OSBPL5: variants seen among roughly 807,000 people sequenced by gnomAD.
OSBPL5 encodes the protein oxysterol-binding protein-related protein 5.
Under a neutral mutation model 111.2 loss-of-function variants are expected in OSBPL5, and 71 were observed. The observed-to-expected ratio is 0.64, with a 90% confidence interval of 0.53 to 0.78. The LOEUF is 0.78. Among genes scored for constraint, OSBPL5 ranks in the 30% least tolerant of loss-of-function variants. The pLI, the probability that OSBPL5 is intolerant of heterozygous loss-of-function variation, is 0.00. For synonymous variants in OSBPL5, 549 were observed against 513.9 expected (o/e 1.07, Z -0.93); for missense variants, 1,210 against 1,189.3 (o/e 1.02, Z -0.26).
intron 1 of OSBPL5, among the ~76,000 whole-genome samples, chr11:3,139,655 C>T (rs1051437307): frequency 6.6e-6 from 1 of 152,044 alleles, no homozygotes; most frequent in Non-Finnish European, 1.5e-5. Context: ...GGCCTTGCTG[C>T]CTTGCTCTAT....
intron 1 of OSBPL5, among the ~76,000 whole-genome samples, chr11:3,134,774 T>G (rs1414094977): frequency 7.1e-6 from 1 of 140,300 alleles, no homozygotes; most frequent in African/African-American, 2.7e-5. Context: ...TGAGTGGGTC[T>G]CCTCAGAGGT....
intron 1 of OSBPL5, among the ~76,000 whole-genome samples, chr11:3,129,658 T>C (rs997459156): frequency 6.6e-6 from 1 of 152,212 alleles, no homozygotes; most frequent in African/African-American, 2.4e-5. Context: ...TGTTGGGCAG[T>C]CCGGGAGCCT....
rs549618559 is a variant in OSBPL5 at position 3,131,006 on chromosome 11, C to T, written c.-21-1837G>A. Among the ~76,000 whole-genome samples, 6 of 152,228 alleles carry T rather than the reference C, an allele frequency of 3.9e-5. No individual in the cohort carries two copies. The South Asian group carries it at 6.2e-4, about 16-fold the overall frequency. On this transcript the variant is annotated intron_variant, in intron 1 of 21. Transcript: ENST00000263650. Reference sequence around the variant, plus strand: ...TGCTCTCAGGACCCACAGAGAGCCCCGGAATGTCCCAGGCAGTGTGGTGAC... The same window carrying T: ...TGCTCTCAGGACCCACAGAGAGCCCTGGAATGTCCCAGGCAGTGTGGTGAC...
At position 3,106,030 on chromosome 11, in the gene OSBPL5, G is replaced by A. The variant is rs55927000; in HGVS notation, c.1059+1233C>T. Among the ~76,000 whole-genome samples, 16,807 of 151,864 alleles carry A rather than the reference G, an allele frequency of 0.11. 1,004 individuals are homozygous for A. Among genetic ancestry groups the A allele is most frequent in the Non-Finnish European group, 0.13 (9,078 of 67,910 alleles). ...CTGTCCCGAGGCCCTTGCCTAACCC[G>A]CCGGTGGCTTCCCCAATACTCTCAG... On this transcript the variant is annotated intron_variant, in intron 9 of 21. Transcript: ENST00000263650. The surrounding 1 kb of genome is among the most constrained non-coding windows in gnomAD (Gnocchi z 8.4).
rs1327878985 is a variant in OSBPL5 at position 3,142,505 on chromosome 11, C to T, written c.-21-13336G>A. Among the ~76,000 whole-genome samples the T allele has an allele frequency of 6.6e-6, 1 of 152,212 alleles. No individual in the cohort carries two copies. Among genetic ancestry groups the T allele is most frequent in the Non-Finnish European group, 1.5e-5 (1 of 68,044 alleles). On this transcript the variant is annotated intron_variant, in intron 1 of 21. Transcript: ENST00000263650. The surrounding 1 kb of genome is among the most constrained non-coding windows in gnomAD (Gnocchi z 7.1). ...GTGTCCCAGGAGGTCAGATTTCACC[C>T]GGATGCTTAGCTCCCCTCCCTTTTT...
At chr11:3,094,197 T>C in intron 15 of OSBPL5, 40 bp downstream of exon 15, 1 of 1,590,246 alleles carries the variant, frequency 6.3e-7, no homozygotes, top group Non-Finnish European at 8.6e-7. Context: ...GCTTCGTTCC[T>C]TCCCTGGCCT....
rs11025392 is a variant in OSBPL5 at position 3,105,033 on chromosome 11, A to T, written c.1060-656T>A. On this transcript the variant is annotated intron_variant, in intron 9 of 21. Transcript: ENST00000263650. The surrounding 1 kb of genome is among the most constrained non-coding windows in gnomAD (Gnocchi z 5.2). ...TCCTTTTCTGAGACATCTAACCCTCACCACAGCTCCAGAATACATGACTTG... is the reference window on the plus strand; with the variant it reads ...TCCTTTTCTGAGACATCTAACCCTCTCCACAGCTCCAGAATACATGACTTG... 0.12 allele frequency among the ~76,000 whole-genome samples: 17,870 copies of T among 151,908 alleles called. 1,204 individuals are homozygous for T. Among genetic ancestry groups the T allele is most frequent in the South Asian group, 0.28 (1,323 of 4,806 alleles).
In OSBPL5 at chr11:3,162,774, A is replaced by G. The variant is rs1847004353; in HGVS notation, c.-22+2442T>C. Among the ~76,000 whole-genome samples the G allele has an allele frequency of 6.6e-6, 1 of 151,936 alleles. No individual in the cohort carries two copies. The highest frequency in any genetic ancestry group is 2.4e-5 in the African/African-American group (1 of 41,362). Reference sequence around the variant, plus strand: ...CAAGCTGCAGGCTCGGTAAGTCATCAAGCAAAGCTGGCATCGAGAACAATA... The same window carrying G: ...CAAGCTGCAGGCTCGGTAAGTCATCGAGCAAAGCTGGCATCGAGAACAATA... On this transcript the variant is annotated intron_variant, in intron 1 of 21. Coordinates refer to ENST00000263650, the MANE Select transcript of OSBPL5 (RefSeq NM_020896.4). The surrounding 1 kb of genome is among the most constrained non-coding windows in gnomAD (Gnocchi z 8.1).
At position 3,162,143 on chromosome 11, in the gene OSBPL5, T is replaced by C. The variant is rs529758805; in HGVS notation, c.-22+3073A>G. On this transcript the variant is annotated intron_variant, in intron 1 of 21. Transcript: ENST00000263650. This position sits in a 1 kb window ranked among gnomAD's most constrained non-coding sequence, Gnocchi z 8.1. ...AAGTGGTTTATCTTTTTAAACACCA[T>C]GCTGGCTGCTGGCTGGAGAAGGGCT... is the stretch of plus-strand genomic sequence containing the variant. Among the ~76,000 whole-genome samples, 2 of 152,230 alleles carry C rather than the reference T, an allele frequency of 1.3e-5. No homozygotes were observed. The highest frequency in any genetic ancestry group is 1.9e-4 in the East Asian group (1 of 5,174).
intron 21 of OSBPL5, among the ~76,000 whole-genome samples, chr11:3,088,988 C>T (rs1041690284): frequency 2.6e-5 from 4 of 152,282 alleles, no homozygotes; most frequent in East Asian, 3.9e-4. Flanking sequence ...AGTACTTTGC[C>T]GTGGAGGACC....
At chr11:3,099,911 A>G (rs896631623) in intron 14 of OSBPL5, among the ~76,000 whole-genome samples, 2 of 151,944 alleles carry the variant, frequency 1.3e-5, no homozygotes, top group Admixed American at 6.6e-5. Context: ...TCTACTAAAA[A>G]TACAAAATTA....
intron 7 of OSBPL5, among the ~76,000 whole-genome samples, chr11:3,111,681 C>T (rs1344890610): frequency 6.6e-6 from 1 of 152,090 alleles, no homozygotes; most frequent in East Asian, 1.9e-4. Flanking sequence ...CCCTCCCCAC[C>T]CCCACACACA....
At position 3,107,468 on chromosome 11, in the gene OSBPL5, T is replaced by G; in HGVS notation, c.867-13A>C. 1 of 1,613,472 alleles carries G rather than the reference T, an allele frequency of 6.2e-7. No homozygotes were observed. The highest frequency in any genetic ancestry group is 1.1e-5 in the South Asian group (1 of 91,068). Reference sequence around the variant, plus strand: ...AGACCCGTTCAGTCTGGAAGGTGGATGGTGCCAGTGGGTCCCTGTCACAGG... The same window carrying G: ...AGACCCGTTCAGTCTGGAAGGTGGAGGGTGCCAGTGGGTCCCTGTCACAGG... On this transcript the variant is annotated splice_polypyrimidine_tract_variant and intron_variant, in intron 8 of 21. Coordinates refer to ENST00000263650, the MANE Select transcript of OSBPL5 (RefSeq NM_020896.4). The surrounding 1 kb of genome is among the most constrained non-coding windows in gnomAD (Gnocchi z 6.1).
rs752969320 is a variant in OSBPL5, at chr11:3,130,603, G to A, written c.-21-1434C>T. On this transcript the variant is annotated intron_variant, in intron 1 of 21. Coordinates refer to ENST00000263650, the MANE Select transcript of OSBPL5 (RefSeq NM_020896.4). This position sits in a 1 kb window ranked among gnomAD's most constrained non-coding sequence, Gnocchi z 4.5. ...CCAGCCCCTCCCTCACCTGGCCCCT[G>A]GCTCGGCTCATGACCTTGGCCATCT... 7.2e-5 allele frequency among the ~76,000 whole-genome samples: 11 copies of A among 152,158 alleles called. No homozygotes were observed. The highest frequency in any genetic ancestry group is 1.3e-4 in the Non-Finnish European group (9 of 68,020).
intron 1 of OSBPL5, among the ~76,000 whole-genome samples, chr11:3,152,928 G>A (rs1349178825): frequency 2.0e-5 from 3 of 152,096 alleles, no homozygotes. Context: ...GTCCGCTCCC[G>A]GTTTGCTCAC....
rs1857840699 is a variant in OSBPL5 at position 3,109,629 on chromosome 11, T to C, written c.692-1684A>G. On this transcript the variant is annotated intron_variant, in intron 7 of 21. Coordinates refer to ENST00000263650, the MANE Select transcript of OSBPL5 (RefSeq NM_020896.4). The surrounding 1 kb of genome is among the most constrained non-coding windows in gnomAD (Gnocchi z 7.4). ...CTCTAGAGCTGCCCTTCTCATTGGG[T>C]TGGGGGGATATCTGGGATCCTGCTG... 1.3e-5 allele frequency among the ~76,000 whole-genome samples: 2 copies of C among 151,440 alleles called. No homozygotes were observed. Among genetic ancestry groups the C allele is most frequent in the South Asian group, 4.2e-4 (2 of 4,794 alleles).
At position 3,089,830 on chromosome 11, in the gene OSBPL5, C is replaced by G. The variant is rs984179999; in HGVS notation, c.2501+16G>C. Reference sequence around the variant, plus strand: ...TCTGACCCGGAGTCTGGATGGACACCCTGAGTGTGGCCCACCTGTGCAGCT... The same window carrying G: ...TCTGACCCGGAGTCTGGATGGACACGCTGAGTGTGGCCCACCTGTGCAGCT... On this transcript the variant is annotated intron_variant, in intron 21 of 21. Coordinates refer to ENST00000263650, the MANE Select transcript of OSBPL5 (RefSeq NM_020896.4). The G allele has an allele frequency of 6.4e-7, 1 of 1,552,176 alleles. No homozygotes were observed. Among genetic ancestry groups the G allele is most frequent in the African/African-American group, 1.4e-5 (1 of 73,310 alleles).
intron 10 of OSBPL5, among the ~76,000 whole-genome samples, chr11:3,103,819 C>CAGCCCCCTTCCAGCCTGT (rs1564830449): frequency 7.0e-4 from 31 of 44,052 alleles, no homozygotes; most frequent in African/African-American, 1.5e-3. Flanking sequence ...TTCCTGCCTG[C>CAGCCCCCTTCCAGCCTGT]GCAGCCCCCT....
At chr11:3,094,013 T>C (rs1857160313) in intron 15 of OSBPL5, among the ~76,000 whole-genome samples, 178 bp from the exon 16 acceptor site, 1 of 152,128 alleles carries the variant, frequency 6.6e-6, no homozygotes, top group African/African-American at 2.4e-5. Context: ...AAGGATGTAG[T>C]GTCCCTGCCA....
Sources: allele counts gnomAD v4.1 joint callset (sites outside exome capture counted in the v4.1 genomes callset), GRCh38; gene constraint gnomAD v4.1.1; non-coding constraint Gnocchi (gnomAD v3.1); transcripts MANE v1.5; gene names NCBI Gene and HGNC (gene_info 2026-07-23, HGNC 2026-07-21).